LINGO2: variants seen among roughly 807,000 people sequenced by gnomAD.
The protein encoded by LINGO2 is leucine-rich repeat and immunoglobulin-like domain-containing nogo receptor-interacting protein 2.
LINGO2 carries 14 observed loss-of-function variants against 30.6 expected under a neutral mutation model. The observed-to-expected ratio is 0.46, with a 90% CI of 0.30 to 0.72. LINGO2 has a LOEUF of 0.72. Among genes scored for constraint, LINGO2 ranks in the 30% least tolerant of loss-of-function variants. LINGO2 has a pLI of 0.07. For missense variants in LINGO2, 729 were observed against 751.7 expected, an observed-to-expected ratio of 0.97 and a Z score of 0.35; for synonymous variants, 317 against 288.5, an observed-to-expected ratio of 1.10 and a Z score of -1.00.
At chr9:28,946,519 G>T in the LINGO2 span, among the ~76,000 whole-genome samples, 2 of 152,008 alleles carry the variant, frequency 1.3e-5, no homozygotes, top group South Asian at 4.1e-4. Context: ...CTTTCCCCTG[G>T]TGCTCTGGAA....
chr9:28,553,577 G>A (rs1822443939), intron 1 of LINGO2, among the ~76,000 whole-genome samples: 1 of 152,088 alleles, frequency 6.6e-6, no homozygotes, highest in South Asian at 2.1e-4. Flanking sequence ...ACACTCTGCA[G>A]GATATTATCC....
At chr9:28,486,085 A>G (rs1284100161) in intron 1 of LINGO2, among the ~76,000 whole-genome samples, 2 of 152,140 alleles carry the variant, frequency 1.3e-5, no homozygotes, top group Non-Finnish European at 2.9e-5. Context: ...ATTAATTTCA[A>G]TTAGTCTGAA....
intron 4 of LINGO2, among the ~76,000 whole-genome samples, chr9:28,279,606 C>G (rs1473664264): frequency 6.6e-6 from 1 of 152,108 alleles, no homozygotes; most frequent in Non-Finnish European, 1.5e-5. Context: ...TTTTAGACAT[C>G]ATGTTACTGT....
the LINGO2 span, among the ~76,000 whole-genome samples, chr9:29,045,684 T>C: frequency 2.0e-5 from 3 of 152,220 alleles, no homozygotes; most frequent in Middle Eastern, 3.4e-3. Context: ...GTGAAGAATG[T>C]CATCAATAGT....
the LINGO2 span, among the ~76,000 whole-genome samples, chr9:28,704,229 G>A: frequency 1.3e-5 from 2 of 151,926 alleles, no homozygotes; most frequent in African/African-American, 2.4e-5. Flanking sequence ...TCTCTCAAAT[G>A]TTTAAATATT....
intron 4 of LINGO2, among the ~76,000 whole-genome samples, chr9:28,079,547 T>C (rs1825717361): frequency 6.6e-6 from 1 of 152,200 alleles, no homozygotes; most frequent in Non-Finnish European, 1.5e-5. Flanking sequence ...GTTTAGAGCA[T>C]AGTAAATAAG....
chr9:28,830,489 T>C, the LINGO2 span, among the ~76,000 whole-genome samples: 11 of 152,208 alleles, frequency 7.2e-5, no homozygotes, highest in African/African-American at 2.6e-4. Context: ...AAGACTGTTC[T>C]GTGAAGAGAA....
At chr9:28,410,179 AGGAAAG>A (rs1822706134) in intron 2 of LINGO2, among the ~76,000 whole-genome samples, 1 of 151,868 alleles carries the variant, frequency 6.6e-6, no homozygotes, top group Admixed American at 6.6e-5. Flanking sequence ...GAAAGAGGAA[AGGAAAG>A]GGAAAGGAAA....
chr9:28,152,332 G>T (rs976390392), intron 4 of LINGO2, among the ~76,000 whole-genome samples: 56 of 151,894 alleles, frequency 3.7e-4, no homozygotes, highest in African/African-American at 1.3e-3. Context: ...TTTCTTTCTC[G>T]CCATGTGACC....
the LINGO2 span, among the ~76,000 whole-genome samples, chr9:29,061,030 G>A: frequency 2.0e-5 from 3 of 151,970 alleles, no homozygotes; most frequent in Non-Finnish European, 2.9e-5. Flanking sequence ...ACAGGCTGAT[G>A]AAGTCTGGCA....
At chr9:28,746,549 A>T in the LINGO2 span, among the ~76,000 whole-genome samples, 2 of 152,094 alleles carry the variant, frequency 1.3e-5, no homozygotes, top group African/African-American at 4.8e-5. Flanking sequence ...GGAGAAAGAC[A>T]ATCTCAGCTT....
the LINGO2 span, among the ~76,000 whole-genome samples, chr9:29,010,916 G>T: frequency 3.3e-5 from 5 of 151,924 alleles, no homozygotes; most frequent in Non-Finnish European, 7.4e-5. Context: ...TAAAATAAGT[G>T]GTATAATAGA....
At chr9:27,950,626 C>T in exon 6 of LINGO2, 1 of 1,514,808 alleles carries the variant, frequency 6.6e-7, no homozygotes, top group Non-Finnish European at 8.8e-7. Context: ...AACACCACAG[C>T]CAGACCCAGG....
the LINGO2 span, among the ~76,000 whole-genome samples, chr9:29,153,534 G>A: frequency 6.6e-6 from 1 of 152,114 alleles, no homozygotes; most frequent in Non-Finnish European, 1.5e-5. Flanking sequence ...GGAAATACAT[G>A]CCCTTGCAAA....
the LINGO2 span, among the ~76,000 whole-genome samples, chr9:28,814,848 G>A: frequency 1.3e-5 from 2 of 152,112 alleles, no homozygotes; most frequent in African/African-American, 2.4e-5. Context: ...GCAAATTAGT[G>A]GTTGTAGAAA....
the LINGO2 span, among the ~76,000 whole-genome samples, chr9:29,123,325 G>A: frequency 1.3e-5 from 2 of 151,560 alleles, no homozygotes; most frequent in African/African-American, 4.8e-5. Context: ...AATGAGCATC[G>A]GCAATAAACA....
intron 1 of LINGO2, among the ~76,000 whole-genome samples, chr9:28,657,309 T>C (rs935802150): frequency 1.3e-5 from 2 of 152,124 alleles, no homozygotes; most frequent in African/African-American, 4.8e-5. Context: ...TCTTTTTAAT[T>C]TGAAAAGTAT....
the LINGO2 span, among the ~76,000 whole-genome samples, chr9:29,003,938 T>C: frequency 1.3e-5 from 2 of 152,024 alleles, no homozygotes. Flanking sequence ...GATTCAAATA[T>C]CTATTTCATG....
intron 2 of LINGO2, among the ~76,000 whole-genome samples, chr9:28,418,432 C>G (rs1823056456): frequency 6.6e-6 from 1 of 151,984 alleles, no homozygotes; most frequent in Non-Finnish European, 1.5e-5. Flanking sequence ...GCACCCACGA[C>G]CACGCCAGGC....
Sources: gnomAD v4.1 joint callset for allele counts (sites outside exome capture counted in the v4.1 genomes callset) on GRCh38, gnomAD v4.1.1 for gene constraint, MANE v1.5 for transcripts, NCBI Gene and HGNC (gene_info 2026-07-23, HGNC 2026-07-21) for gene names.